Variants in COL5A1 observed in about 807,000 individuals in gnomAD.
The protein encoded by COL5A1 is collagen type V alpha 1 chain.
COL5A1 carries 16 observed loss-of-function variants against 263.7 expected under a neutral mutation model. That is an observed-to-expected ratio of 0.06 (90% CI 0.04 to 0.09). The LOEUF is 0.09. COL5A1 is among the 10% of genes least tolerant of loss of function. COL5A1 has a pLI of 1.00. For synonymous variants in COL5A1, 1,012 were observed against 1,004.5 expected, an observed-to-expected ratio of 1.01 and a Z score of -0.14; for missense variants, 2,036 against 2,540.5, an observed-to-expected ratio of 0.80 and a Z score of 4.27.
In COL5A1 at chr9:134,731,516, A is replaced by G; in HGVS notation, c.1185A>G (p.Glu395=). 6.2e-7 allele frequency: 1 copy of G among 1,614,178 alleles called. No homozygotes were observed. The highest frequency in any genetic ancestry group is 8.5e-7 in the Non-Finnish European group (1 of 1,179,996). ...TGCAGCCAGCTCCGCCTCCAGGGGA[A>G]GGTGCGGATGACTTGGAGGGGGAGT... ...NSSNPAPPPG[E]GADDLEGEFT... The change falls in exon 8 of 66, where the codon GAA becomes GAG. Residue 395 remains glutamate (E), a synonymous_variant. Coordinates refer to ENST00000371817, the MANE Select transcript of COL5A1 (RefSeq NM_000093.5).
At position 134,795,103 on chromosome 9, in the gene COL5A1, C is replaced by T. The variant is rs144985214; in HGVS notation, c.2722C>T (p.Pro908Ser). The change falls in exon 33 of 66, where the codon CCG (proline) becomes TCG (serine). Residue 908 changes from proline to serine, a missense_variant. Physicochemically the swap from Pro to Ser is moderately conservative, Grantham distance 74 (BLOSUM62 -1). Coordinates refer to ENST00000371817, the MANE Select transcript of COL5A1 (RefSeq NM_000093.5). ...GGRGTPGKPG[P>S]RGQRGPTGPR... ...CTAGGGGACCCCTGGAAAGCCAGGA[C>T]CGCGGGGGCAGCGAGGCCCAACGGT... 5.5e-5 allele frequency: 89 copies of T among 1,613,944 alleles called. No homozygotes were observed. Among genetic ancestry groups the T allele is most frequent in the Non-Finnish European group, 7.1e-5 (84 of 1,180,022 alleles).
intron 11 of COL5A1, among the ~76,000 whole-genome samples, chr9:134,739,614 A>T (rs1835228391): frequency 6.6e-6 from 1 of 151,998 alleles, no homozygotes; most frequent in South Asian, 2.1e-4. Flanking sequence ...GTGGCTAGGG[A>T]TGCTTCCCAG....
chr9:134,766,525 G>C (rs750186878), intron 22 of COL5A1, 27 bp downstream of exon 22: 2 of 1,612,510 alleles, frequency 1.2e-6, no homozygotes, highest in Admixed American at 1.7e-5. Context: ...CCGTGGCCTG[G>C]CTTCAGGGGC....
rs1321599745 is a variant in COL5A1 at position 134,818,091 on chromosome 9, G to A, written c.4230+260G>A. Among the ~76,000 whole-genome samples the A allele has an allele frequency of 6.6e-6, 1 of 152,218 alleles. No individual in the cohort carries two copies. Among genetic ancestry groups the A allele is most frequent in the Non-Finnish European group, 1.5e-5 (1 of 68,020 alleles). On this transcript the variant is annotated intron_variant, in intron 54 of 65. Coordinates refer to ENST00000371817, the MANE Select transcript of COL5A1 (RefSeq NM_000093.5). The surrounding 1 kb of genome is among the most constrained non-coding windows in gnomAD (Gnocchi z 6.0). The stretch of plus-strand genomic sequence containing the variant: ...GGGTGGTGGGTGCGGGATTCAGGGA[G>A]CCCAAGGCTGAGTAGTTATGTCCCC...
In COL5A1 at chr9:134,818,984, C is replaced by T. The variant is rs369799826; in HGVS notation, c.4393-16C>T. The T allele has an allele frequency of 1.1e-5, 17 of 1,613,454 alleles. No individual in the cohort carries two copies. Among genetic ancestry groups the T allele is most frequent in the Non-Finnish European group, 1.4e-5 (16 of 1,179,954 alleles). On this transcript the variant is annotated splice_polypyrimidine_tract_variant and intron_variant, in intron 56 of 65. Coordinates refer to ENST00000371817, the MANE Select transcript of COL5A1 (RefSeq NM_000093.5). The surrounding 1 kb of genome is among the most constrained non-coding windows in gnomAD (Gnocchi z 6.0). The stretch of plus-strand genomic sequence containing the variant: ...CCCAAGGATGAGGACTCTGATCCCC[C>T]TGCCTCCTCCCACAGGGTCCCCCAG...
At chr9:134,662,380 G>A (rs1024386275) in intron 1 of COL5A1, among the ~76,000 whole-genome samples, 2 of 152,212 alleles carry the variant, frequency 1.3e-5, no homozygotes, top group African/African-American at 4.8e-5. Flanking sequence ...AGCCCAGTCC[G>A]GCTGCCTCCT....
At position 134,744,760 on chromosome 9, in the gene COL5A1, CACATGCTCACTCAT is replaced by C. The variant is rs549335109; in HGVS notation, c.1495-5775_1495-5762del. Among the ~76,000 whole-genome samples, 75 of 152,252 alleles carry C rather than the reference CACATGCTCACTCAT, an allele frequency of 4.9e-4. No homozygotes were observed. In the East Asian group the frequency reaches 8.5e-3, roughly 17 times the overall value. ...TCACACACCTGCACACACATTCATG[CACATGCTCACTCAT>C]ACATGCACACACATACACCCACACA... On this transcript the variant is annotated intron_variant, in intron 11 of 65. Coordinates refer to ENST00000371817, the MANE Select transcript of COL5A1 (RefSeq NM_000093.5).
intron 1 of COL5A1, among the ~76,000 whole-genome samples, chr9:134,674,635 C>T (rs1005200397): frequency 6.6e-6 from 1 of 152,164 alleles, no homozygotes; most frequent in African/African-American, 2.4e-5. Context: ...CCTGTAATCC[C>T]AGCACTTTGG....
chr9:134,735,319 A>G (rs1189878703), intron 9 of COL5A1, among the ~76,000 whole-genome samples: 2 of 152,234 alleles, frequency 1.3e-5, no homozygotes, highest in South Asian at 4.2e-4. Flanking sequence ...CCACCACCCC[A>G]TAGCTGCCTC....
intron 4 of COL5A1, among the ~76,000 whole-genome samples, chr9:134,704,425 G>A (rs4319175): frequency 0.53 from 80,307 of 151,988 alleles, 21,692 homozygotes; most frequent in Admixed American, 0.68. Flanking sequence ...GTTTTCAAAA[G>A]GAAATGGCTC....
chr9:134,839,974 CCA>C (rs1839969195), intron 65 of COL5A1, among the ~76,000 whole-genome samples: 2 of 152,250 alleles, frequency 1.3e-5, no homozygotes, highest in South Asian at 4.1e-4. Context: ...GCCGTCTGCC[CCA>C]CACTCGGCAT....
chr9:134,768,249 C>G (rs540270169), intron 24 of COL5A1, among the ~76,000 whole-genome samples, 161 bp from the exon 25 acceptor site: 1 of 152,206 alleles, frequency 6.6e-6, no homozygotes, highest in African/African-American at 2.4e-5. Context: ...TGGGCGCTAC[C>G]GTGGCTGCAC....
At chr9:134,760,342 C>CA (rs1836313115) in intron 18 of COL5A1, among the ~76,000 whole-genome samples, 11 of 98,906 alleles carry the variant, frequency 1.1e-4, no homozygotes, top group South Asian at 3.8e-4. Flanking sequence ...TGCACACACA[C>CA]CCCCACACAC....
chr9:134,759,147 C>T (rs1303275038), intron 18 of COL5A1, among the ~76,000 whole-genome samples: 4 of 151,916 alleles, frequency 2.6e-5, no homozygotes, highest in African/African-American at 4.8e-5. Context: ...TCTCTGATGG[C>T]TCCTTTATAT....
intron 1 of COL5A1, among the ~76,000 whole-genome samples, chr9:134,674,402 C>A (rs1422250134): frequency 6.6e-6 from 1 of 152,064 alleles, no homozygotes; most frequent in Non-Finnish European, 1.5e-5. Flanking sequence ...GACACGGTTC[C>A]ATTTATATGA....
rs368668597 is a variant in COL5A1, at chr9:134,687,002, G to A, written c.110-3910G>A. 3.3e-3 allele frequency among the ~76,000 whole-genome samples: 496 copies of A among 152,284 alleles called. 2 individuals carry two copies. Among genetic ancestry groups the A allele is most frequent in the African/African-American group, 0.011 (468 of 41,554 alleles). ...TCTCCGGGAGACCCGGCGTGGTGGG[G>A]TCAGGAGGCCCCACTCCACTATCCC... On this transcript the variant is annotated intron_variant, in intron 1 of 65. Coordinates refer to ENST00000371817, the MANE Select transcript of COL5A1 (RefSeq NM_000093.5).
chr9:134,758,782 G>A lies in COL5A1; in HGVS notation c.1935+486G>A, dbSNP rs1836088072. On this transcript the variant is annotated intron_variant, in intron 18 of 65. Coordinates refer to ENST00000371817, the MANE Select transcript of COL5A1 (RefSeq NM_000093.5). This position sits in a 1 kb window ranked among gnomAD's most constrained non-coding sequence, Gnocchi z 4.1. ...GTGTCCCCCTGTTCCCTGTTAATGG[G>A]CGTGGATGAATTTGAAAGTGTGTCC... Among the ~76,000 whole-genome samples, 1 of 152,164 alleles carries A rather than the reference G, an allele frequency of 6.6e-6. No individual in the cohort carries two copies. The highest frequency in any genetic ancestry group is 1.9e-4 in the East Asian group (1 of 5,196).
At chr9:134,730,905 C>T (rs1834855738) in intron 7 of COL5A1, among the ~76,000 whole-genome samples, 1 of 152,212 alleles carries the variant, frequency 6.6e-6, no homozygotes, top group Non-Finnish European at 1.5e-5. Flanking sequence ...CTGGGGCCGC[C>T]CTGGCTGGGA....
chr9:134,741,511 A>G lies in COL5A1; in HGVS notation c.1494+2703A>G, dbSNP rs188708186. 1.2e-4 allele frequency among the ~76,000 whole-genome samples: 19 copies of G among 152,128 alleles called. No individual in the cohort carries two copies. Among genetic ancestry groups the G allele is most frequent in the African/African-American group, 4.3e-4 (18 of 41,496 alleles). On this transcript the variant is annotated intron_variant, in intron 11 of 65. Coordinates refer to ENST00000371817, the MANE Select transcript of COL5A1 (RefSeq NM_000093.5). This position sits in a 1 kb window ranked among gnomAD's most constrained non-coding sequence, Gnocchi z 4.5. ...GAGGAACGAATGGAAGATTAAGGTT[A>G]TCTTGGCAAAGTCTGTTGATGCAGA...
Sources: gnomAD v4.1 joint callset for allele counts (sites outside exome capture counted in the v4.1 genomes callset) on GRCh38, gnomAD v4.1.1 for gene constraint, Gnocchi (gnomAD v3.1) non-coding constraint, MANE v1.5 for transcripts, NCBI Gene and HGNC (gene_info 2026-07-23, HGNC 2026-07-21) for gene names.